The following SOCS5 variants were observed in gnomAD, a reference collection of about 807,000 sequenced individuals.
SOCS5 encodes the protein suppressor of cytokine signaling 5, also known as CIS-6.
A neutral mutation model predicts 42.8 loss-of-function variants in SOCS5; 32 were observed. That is an observed-to-expected ratio of 0.75 (90% CI 0.56 to 1.01). The LOEUF is 1.01. Among genes scored for constraint, SOCS5 ranks in the 50% least tolerant of loss-of-function variants. The pLI is 0.00. For synonymous variants in SOCS5, 283 were observed against 229.6 expected, an observed-to-expected ratio of 1.23 and a Z score of -2.10; for missense variants, 627 against 653.0, an observed-to-expected ratio of 0.96 and a Z score of 0.43.
At chr2:46,722,182 C>G (rs765011955) in intron 1 of SOCS5, among the ~76,000 whole-genome samples, 24 of 151,914 alleles carry the variant, frequency 1.6e-4, no homozygotes, top group Admixed American at 9.8e-4. Context: ...GAAAGATATG[C>G]TTGTTTCTCA....
intron 1 of SOCS5, among the ~76,000 whole-genome samples, chr2:46,713,154 G>A (rs1399437772): frequency 6.6e-6 from 1 of 152,172 alleles, no homozygotes; most frequent in Admixed American, 6.5e-5. Flanking sequence ...CCAGAAGTTT[G>A]AGACCAGCTT....
Position 46,759,016 on chromosome 2 carries a change from C to G in SOCS5, c.486C>G (p.His162Gln). The change falls in exon 2 of 2, where the codon CAC (histidine) becomes CAG (glutamine). Residue 162 changes from histidine to glutamine, a missense_variant. Physicochemically the swap from His to Gln is conservative, Grantham distance 24. Transcript: ENST00000394861. ...RERRYGVSSV[H>Q]DMDSVSSRTV... is the part of the protein sequence containing the mutation. ...GGCGCTACGGCGTAAGTTCTGTACA[C>G]GACATGGACAGTGTTTCCAGCAGAA... 1 of 1,613,936 alleles carries G rather than the reference C, an allele frequency of 6.2e-7. No homozygotes were observed.
At chr2:46,739,324 G>T (rs1673318799) in intron 1 of SOCS5, among the ~76,000 whole-genome samples, 1 of 152,186 alleles carries the variant, frequency 6.6e-6, no homozygotes, top group Non-Finnish European at 1.5e-5. Context: ...TAATAGTCTT[G>T]TGTAGGGGTG....
intron 1 of SOCS5, among the ~76,000 whole-genome samples, chr2:46,740,972 T>G (rs1437100623): frequency 1.3e-5 from 2 of 152,176 alleles, no homozygotes; most frequent in African/African-American, 4.8e-5. Flanking sequence ...TTGAAATTCA[T>G]TAGTGATATT....
In SOCS5 at chr2:46,726,219, C is replaced by T. The variant is rs995728515; in HGVS notation, c.-13+26770C>T. On this transcript the variant is annotated intron_variant, in intron 1 of 1. Transcript: ENST00000394861. Reference sequence around the variant, plus strand: ...TCAAGCAATTCTTCTGCCTCAGCCTCCTGAGTAGTTGGGATTACAGGCGTG... The same window carrying T: ...TCAAGCAATTCTTCTGCCTCAGCCTTCTGAGTAGTTGGGATTACAGGCGTG... 1.4e-4 allele frequency among the ~76,000 whole-genome samples: 22 copies of T among 152,276 alleles called. No individual in the cohort carries two copies. In the East Asian group the frequency reaches 4.0e-3, roughly 28 times the overall value.
intron 1 of SOCS5, among the ~76,000 whole-genome samples, chr2:46,725,744 C>T (rs1375537964): frequency 1.3e-5 from 2 of 152,054 alleles, no homozygotes; most frequent in African/African-American, 4.8e-5. Flanking sequence ...ATAGATAATA[C>T]ATTTTTTCCC....
chr2:46,729,067 A>G (rs1030681645), intron 1 of SOCS5, among the ~76,000 whole-genome samples: 4 of 152,352 alleles, frequency 2.6e-5, no homozygotes, highest in South Asian at 2.1e-4. Flanking sequence ...ATCCTGATAC[A>G]TGCTTAATTT....
At chr2:46,719,585 C>T (rs751004149) in intron 1 of SOCS5, among the ~76,000 whole-genome samples, 5 of 152,160 alleles carry the variant, frequency 3.3e-5, no homozygotes, top group African/African-American at 4.8e-5. Flanking sequence ...TCATAGTCTT[C>T]GTTTTCTCAG....
chr2:46,739,950 T>A (rs1360597216), intron 1 of SOCS5, among the ~76,000 whole-genome samples: 2 of 152,180 alleles, frequency 1.3e-5, no homozygotes, highest in Non-Finnish European at 2.9e-5. Context: ...CCCAGGAGGA[T>A]CTCCTCTCTC....
rs149890253 is a variant in SOCS5 at position 46,759,561 on chromosome 2, C to A, written c.1031C>A (p.Ser344Tyr). Residue 344 changes from serine to tyrosine, a missense_variant, in exon 2 of 2, where the codon TCT becomes TAT. Physicochemically the swap from Ser to Tyr is moderately radical, Grantham distance 144 (BLOSUM62 -2). Around this residue, in one of 3 missense-constraint regions of SOCS5, gnomAD observed 340 missense variants for 367.6 expected, o/e 0.92. Transcript: ENST00000394861. ...QSRRQKQRQI[S>Y]GDSHTHVSRQ... ...CGGAGGCAGAAGCAGCGTCAGATAT[C>A]TGGAGACAGCCATACCCATGTTAGC... is the stretch of plus-strand genomic sequence containing the variant. 2 of 1,613,952 alleles carry A rather than the reference C, an allele frequency of 1.2e-6. No homozygotes were observed. The highest frequency in any genetic ancestry group is 2.7e-5 in the African/African-American group (2 of 75,032).
At chr2:46,741,751 T>C (rs1268050328) in intron 1 of SOCS5, among the ~76,000 whole-genome samples, 1 of 152,212 alleles carries the variant, frequency 6.6e-6, no homozygotes, top group Non-Finnish European at 1.5e-5. Flanking sequence ...TATTTCAGCA[T>C]GTAAAGGCAC....
At chr2:46,720,908 A>C (rs965547337) in intron 1 of SOCS5, among the ~76,000 whole-genome samples, 9 of 152,182 alleles carry the variant, frequency 5.9e-5, no homozygotes. Flanking sequence ...GTTCTGAGAA[A>C]GCAGTATTGA....
chr2:46,758,309 G>A (rs1195997598), intron 1 of SOCS5, among the ~76,000 whole-genome samples: 2 of 152,140 alleles, frequency 1.3e-5, no homozygotes, highest in African/African-American at 4.8e-5. Context: ...GTAATGACTG[G>A]CTTGAACAAG....
At chr2:46,755,709 A>G (rs1184254739) in intron 1 of SOCS5, among the ~76,000 whole-genome samples, 1 of 152,176 alleles carries the variant, frequency 6.6e-6, no homozygotes, top group Non-Finnish European at 1.5e-5. Flanking sequence ...TTCATATAAA[A>G]CCATAAAGTA....
chr2:46,705,696 A>G (rs908930911), intron 1 of SOCS5, among the ~76,000 whole-genome samples: 6 of 152,196 alleles, frequency 3.9e-5, no homozygotes, highest in South Asian at 2.1e-4. Flanking sequence ...GACATTGGCT[A>G]TTTACATGAG....
Position 46,699,817 on chromosome 2 carries a change from C to A in SOCS5, c.-13+368C>A, listed in dbSNP as rs1268304907. Among the ~76,000 whole-genome samples the A allele has an allele frequency of 6.6e-6, 1 of 151,698 alleles. No individual in the cohort carries two copies. The highest frequency in any genetic ancestry group is 2.4e-5 in the African/African-American group (1 of 41,274). Reference sequence around the variant, plus strand: ...CCGTGATCGGGGTCGTGGTGGGTCGCGGGGAGGCCACCGGAGACTGAAGCA... The same window carrying A: ...CCGTGATCGGGGTCGTGGTGGGTCGAGGGGAGGCCACCGGAGACTGAAGCA... On this transcript the variant is annotated intron_variant, in intron 1 of 1. Coordinates refer to ENST00000394861, the MANE Select transcript of SOCS5 (RefSeq NM_144949.3). This position sits in a 1 kb window ranked among gnomAD's most constrained non-coding sequence, Gnocchi z 4.8.
chr2:46,746,391 C>T (rs1160720240), intron 1 of SOCS5, among the ~76,000 whole-genome samples: 1 of 152,144 alleles, frequency 6.6e-6, no homozygotes, highest in Non-Finnish European at 1.5e-5. Context: ...GTGGCTCACG[C>T]CTGTAATCCC....
chr2:46,709,383 G>T (rs1353284052), intron 1 of SOCS5, among the ~76,000 whole-genome samples: 1 of 152,188 alleles, frequency 6.6e-6, no homozygotes, highest in African/African-American at 2.4e-5. Context: ...TCCAATTTCA[G>T]TAAAATAAAT....
chr2:46,746,327 T>G (rs1245659436), intron 1 of SOCS5, among the ~76,000 whole-genome samples: 1 of 152,114 alleles, frequency 6.6e-6, no homozygotes, highest in African/African-American at 2.4e-5. Context: ...ATGTTTTCTC[T>G]CCTGCCATTT....
Sources: allele counts gnomAD v4.1 joint callset (sites outside exome capture counted in the v4.1 genomes callset), GRCh38; gene constraint gnomAD v4.1.1; regional missense constraint gnomAD v4.1.1; non-coding constraint Gnocchi (gnomAD v3.1); transcripts MANE v1.5; gene names NCBI Gene and HGNC (gene_info 2026-07-23, HGNC 2026-07-21).